Variants in KLRG2 observed in about 807,000 individuals in gnomAD.
KLRG2 encodes the protein killer cell lectin like receptor G2.
A neutral mutation model predicts 35.4 loss-of-function variants in KLRG2; 39 were observed. The observed-to-expected ratio is 1.10, with a 90% CI of 0.85 to 1.44. KLRG2 has a LOEUF of 1.44. KLRG2 is among the 40% of genes most tolerant of loss of function. The pLI, the probability that KLRG2 is intolerant of heterozygous loss-of-function variation, is 0.00. For synonymous variants in KLRG2, 283 were observed against 265.8 expected (o/e 1.06, Z -0.63); for missense variants, 632 against 570.9 (o/e 1.11, Z -1.09).
chr7:139,434,069 C>A, the KLRG2 span, among the ~76,000 whole-genome samples: 1 of 152,158 alleles, frequency 6.6e-6, no homozygotes, highest in East Asian at 1.9e-4. Context: ...ATGTCCCAGA[C>A]ACAGGATGTT....
At chr7:139,453,793 T>C (rs1210171591) in intron 4 of KLRG2, 86 bp from the exon 5 acceptor site, 9 of 1,518,090 alleles carry the variant, frequency 5.9e-6, no homozygotes, top group African/African-American at 4.1e-5. Flanking sequence ...CGTGTGTGCC[T>C]GTCACCTCTA....
intron 3 of KLRG2, among the ~76,000 whole-genome samples, chr7:139,473,858 G>A (rs1796803542): frequency 6.6e-6 from 1 of 151,902 alleles, no homozygotes; most frequent in African/African-American, 2.4e-5. Context: ...CTAAAAATTA[G>A]AAACAAGGCA....
chr7:139,439,952 G>T, the KLRG2 span, among the ~76,000 whole-genome samples: 1 of 152,118 alleles, frequency 6.6e-6, no homozygotes, highest in East Asian at 1.9e-4. Context: ...CAAAACCAAG[G>T]CATGAGCAGG....
chr7:139,432,497 A>T, the KLRG2 span, among the ~76,000 whole-genome samples: 1 of 151,000 alleles, frequency 6.6e-6, no homozygotes, highest in African/African-American at 2.4e-5. Flanking sequence ...ATGGGTTTTT[A>T]TATATGTATG....
At chr7:139,472,582 TAAA>T (rs796080881) in intron 3 of KLRG2, among the ~76,000 whole-genome samples, 1 of 137,836 alleles carries the variant, frequency 7.3e-6, no homozygotes. Context: ...CCGTGTCCAT[TAAA>T]AAAAAAAAAA....
At chr7:139,454,068 A>T in intron 4 of KLRG2, 43 bp downstream of exon 4, 3 of 1,158,062 alleles carry the variant, frequency 2.6e-6, no homozygotes, top group Non-Finnish European at 3.8e-6. Flanking sequence ...GAAATGGAGG[A>T]TCCAGAACAG....
In KLRG2 at chr7:139,468,731, T is replaced by C. The variant is rs545904625; in HGVS notation, c.1005+10896A>G. ...TGTCACATGTGTCAGTCTTTAAGTG[T>C]TGGGATTCCGTAAGTGTGACGGGAT... On this transcript the variant is annotated intron_variant, in intron 3 of 4. Transcript: ENST00000340940. Among the ~76,000 whole-genome samples the C allele has an allele frequency of 7.9e-5, 12 of 152,320 alleles. No individual in the cohort carries two copies. The South Asian group carries it at 1.7e-3, about 21-fold the overall frequency.
At chr7:139,478,436 G>A (rs1013524766) in intron 3 of KLRG2, among the ~76,000 whole-genome samples, 2 of 151,044 alleles carry the variant, frequency 1.3e-5, no homozygotes, top group East Asian at 2.0e-4. Context: ...TTGGGAGGCC[G>A]AGGCGGGCGG....
intron 3 of KLRG2, among the ~76,000 whole-genome samples, chr7:139,470,906 G>A (rs71550690): frequency 2.6e-5 from 4 of 151,152 alleles, no homozygotes; most frequent in East Asian, 1.9e-4. Context: ...GCAATGGCAC[G>A]ATCTTGGCTC....
At chr7:139,468,481 CCT>C (rs1290746057) in intron 3 of KLRG2, among the ~76,000 whole-genome samples, 5 of 152,272 alleles carry the variant, frequency 3.3e-5, no homozygotes, top group Non-Finnish European at 5.9e-5. Flanking sequence ...AGAGAACAAC[CCT>C]CTTTGACTGT....
chr7:139,477,859 T>C (rs149820355), intron 3 of KLRG2, among the ~76,000 whole-genome samples: 18,737 of 151,790 alleles, frequency 0.12, 1,334 homozygotes, highest in East Asian at 0.27. Context: ...CCCAGGTTCA[T>C]GCCATTCTCC....
At chr7:139,480,042 C>A in intron 2 of KLRG2, 104 bp downstream of exon 2, 2 of 854,176 alleles carry the variant, frequency 2.3e-6, no homozygotes, top group Admixed American at 2.0e-5. Context: ...CGTGTTGCAT[C>A]TCCCAGTGTC....
chr7:139,447,683 G>A, the KLRG2 span, among the ~76,000 whole-genome samples: 1 of 152,010 alleles, frequency 6.6e-6, no homozygotes, highest in East Asian at 1.9e-4. Flanking sequence ...GACTACAGGT[G>A]TGAGCCACCG....
chr7:139,445,907 C>A, the KLRG2 span, among the ~76,000 whole-genome samples: 1 of 151,102 alleles, frequency 6.6e-6, no homozygotes, highest in African/African-American at 2.5e-5. Flanking sequence ...TCTCGGCTCA[C>A]TGCAGCCTCC....
At position 139,460,168 on chromosome 7, in the gene KLRG2, G is replaced by A. The variant is rs1031465557; in HGVS notation, c.1006-5954C>T. ...CCCAAAGTGTTGGGATTACAGGCAT[G>A]AGCCACTGGGCCCTCCAGCAGATTT... On this transcript the variant is annotated intron_variant, in intron 3 of 4. Coordinates refer to ENST00000340940, the MANE Select transcript of KLRG2 (RefSeq NM_198508.4). Among the ~76,000 whole-genome samples the A allele has an allele frequency of 1.1e-4, 16 of 152,266 alleles. No homozygotes were observed. In the South Asian group the frequency reaches 2.1e-3, roughly 20 times the overall value.
chr7:139,454,844 AATAATAATAATAAT>A (rs1449490336), intron 3 of KLRG2, among the ~76,000 whole-genome samples: 3 of 139,620 alleles, frequency 2.1e-5, no homozygotes, highest in Admixed American at 6.9e-5. Context: ...TAATAATAAT[AATAATAATAATAAT>A]AATAATAACA....
At position 139,479,617 on chromosome 7, in the gene KLRG2, C is replaced by T. The variant is rs367703423; in HGVS notation, c.1005+10G>A. 176 of 1,610,254 alleles carry T rather than the reference C, an allele frequency of 1.1e-4. No individual in the cohort carries two copies. In the Middle Eastern group the frequency reaches 2.8e-3, roughly 26 times the overall value. ...TCTGTACCCCCTTAGATTGGACACC[C>T]CCTTCTCACCTGGGTGTGGCTTAGC... is the stretch of plus-strand genomic sequence containing the variant. On this transcript the variant is annotated intron_variant, in intron 3 of 4. Transcript: ENST00000340940.
chr7:139,472,128 T>TCC (rs1418219443), intron 3 of KLRG2, among the ~76,000 whole-genome samples: 8 of 152,076 alleles, frequency 5.3e-5, no homozygotes, highest in Non-Finnish European at 1.2e-4. Context: ...CCCTCCCTAT[T>TCC]GTGTGGGGCA....
chr7:139,477,688 T>C (rs1464130381), intron 3 of KLRG2, among the ~76,000 whole-genome samples: 1 of 152,172 alleles, frequency 6.6e-6, no homozygotes, highest in Non-Finnish European at 1.5e-5. Flanking sequence ...ACATTATGAA[T>C]GTATTTAATA....
Sources: allele counts gnomAD v4.1 joint callset (sites outside exome capture counted in the v4.1 genomes callset), GRCh38; gene constraint gnomAD v4.1.1; transcripts MANE v1.5; gene names NCBI Gene and HGNC (gene_info 2026-07-23, HGNC 2026-07-21).